The following ANK2 variants were observed in gnomAD, a reference collection of about 807,000 sequenced individuals.
ANK2 encodes ankyrin-2.
ANK2 carries 83 observed loss-of-function variants against 360.5 expected under a neutral mutation model. The ratio of observed to expected loss-of-function variants is 0.23; its 90% CI spans 0.19 to 0.28. ANK2 has a LOEUF of 0.28. Among genes scored for constraint, ANK2 ranks in the 10% least tolerant of loss-of-function variants. The pLI is 1.00. For missense variants in ANK2, 4,201 were observed against 4,795.7 expected (o/e 0.88, Z 3.66); for synonymous variants, 1,740 against 1,759.5 (o/e 0.99, Z 0.28).
the ANK2 span, among the ~76,000 whole-genome samples, chr4:112,793,734 C>G: frequency 1.1e-4 from 15 of 135,406 alleles, no homozygotes; most frequent in African/African-American, 3.9e-4. Flanking sequence ...GAGACAGGGT[C>G]TTACTCTGTC....
chr4:113,002,393 T>C (rs373628438), intron 2 of ANK2, among the ~76,000 whole-genome samples: 1 of 152,210 alleles, frequency 6.6e-6, no homozygotes, highest in East Asian at 1.9e-4. Flanking sequence ...TAAAAAATGA[T>C]GAGTTCATGT....
chr4:113,040,619 A>G (rs905113043), intron 2 of ANK2, among the ~76,000 whole-genome samples: 1 of 152,082 alleles, frequency 6.6e-6, no homozygotes, highest in African/African-American at 2.4e-5. Flanking sequence ...TGAGGGGAGT[A>G]GTTGTTTAGT....
At chr4:112,748,339 A>G in the ANK2 span, among the ~76,000 whole-genome samples, 1 of 152,280 alleles carries the variant, frequency 6.6e-6, no homozygotes, top group East Asian at 1.9e-4. Context: ...GTCCTCAAGC[A>G]GTGGTAGATG....
intron 1 of ANK2, among the ~76,000 whole-genome samples, chr4:113,088,618 A>T (rs1302466100): frequency 2.0e-5 from 3 of 152,090 alleles, no homozygotes; most frequent in Non-Finnish European, 4.4e-5. Flanking sequence ...AATGTTATTT[A>T]GAAAAGGACG....
chr4:112,966,324 C>T (rs1045652344), intron 2 of ANK2, among the ~76,000 whole-genome samples: 3 of 151,560 alleles, frequency 2.0e-5, no homozygotes, highest in African/African-American at 7.2e-5. Flanking sequence ...GAGCATAACT[C>T]TTTTAATATA....
chr4:112,930,517 A>T (rs2093091891), intron 2 of ANK2, among the ~76,000 whole-genome samples: 3 of 151,364 alleles, frequency 2.0e-5, no homozygotes, highest in Admixed American at 1.3e-4. Flanking sequence ...CAGGCAGGGG[A>T]GTTATAGTAT....
the ANK2 span, among the ~76,000 whole-genome samples, chr4:112,725,536 T>G: frequency 2.0e-5 from 3 of 151,602 alleles, no homozygotes; most frequent in Non-Finnish European, 4.4e-5. Flanking sequence ...GTTTTTGTAT[T>G]TTTAGTAGAA....
the ANK2 span, among the ~76,000 whole-genome samples, chr4:112,764,119 A>T: frequency 2.7e-5 from 4 of 150,066 alleles, no homozygotes; most frequent in South Asian, 4.2e-4. Context: ...ATTTTTTTGT[A>T]TTTTTAGTAG....
intron 9 of ANK2, 138 bp downstream of exon 9, chr4:113,242,347 C>T (rs1208132362): frequency 1.1e-5 from 9 of 796,564 alleles, no homozygotes; most frequent in Non-Finnish European, 1.9e-5. Context: ...ATTTAAATCT[C>T]ATACAACATT....
At chr4:113,184,650 C>T (rs1230288037) in intron 2 of ANK2, among the ~76,000 whole-genome samples, 1 of 152,064 alleles carries the variant, frequency 6.6e-6, no homozygotes, top group Non-Finnish European at 1.5e-5. Context: ...TTTGCAGTAG[C>T]TGAGATTTTG....
rs1179255287 is a variant in ANK2 at position 112,865,804 on chromosome 4, C to CAGCT, written c.-39-38650_-39-38647dup. On this transcript the variant is annotated intron_variant, in intron 1 of 30. Transcript: ENST00000503271. ...TGGATAAATTTCATACATTTCTGTG[C>CAGCT]AGCTTTATAAAGATCTATTTTTGGT... Among the ~76,000 whole-genome samples, 6 of 152,160 alleles carry CAGCT rather than the reference C, an allele frequency of 3.9e-5. No individual in the cohort carries two copies. The East Asian group carries it at 1.2e-3, about 29-fold the overall frequency.
intron 26 of ANK2, among the ~76,000 whole-genome samples, chr4:113,327,518 C>T (rs1170282004): frequency 6.6e-6 from 1 of 152,150 alleles, no homozygotes; most frequent in Non-Finnish European, 1.5e-5. Flanking sequence ...CACGTCTTGC[C>T]CTTTTCACTA....
intron 13 of ANK2, among the ~76,000 whole-genome samples, chr4:113,259,972 A>T (rs29335): frequency 0.46 from 70,171 of 151,876 alleles, 16,803 homozygotes; most frequent in Non-Finnish European, 0.54. Context: ...ATCTCCACCT[A>T]TTCTTATTTG....
chr4:113,103,726 G>A (rs1003077822), intron 1 of ANK2, among the ~76,000 whole-genome samples: 2 of 152,066 alleles, frequency 1.3e-5, no homozygotes, highest in African/African-American at 4.8e-5. Flanking sequence ...AGCTTCCATT[G>A]TCAGTGTTTT....
chr4:113,146,085 A>C (rs536289431), intron 1 of ANK2: 149 of 1,244,442 alleles, frequency 1.2e-4, no homozygotes, highest in Admixed American at 1.1e-3. Flanking sequence ...CAGACCTCTA[A>C]ACTTCCTGGA....
the ANK2 span, among the ~76,000 whole-genome samples, chr4:112,721,101 G>A: frequency 6.6e-6 from 1 of 152,194 alleles, no homozygotes; most frequent in Non-Finnish European, 1.5e-5. Flanking sequence ...TCTCAGGGTT[G>A]TGTACATGAA....
At chr4:112,914,514 C>T (rs1208740498) in intron 2 of ANK2, among the ~76,000 whole-genome samples, 1 of 151,966 alleles carries the variant, frequency 6.6e-6, no homozygotes, top group Non-Finnish European at 1.5e-5. Flanking sequence ...TCCCAGCTAC[C>T]CGGGAGGCTG....
At chr4:112,897,613 A>T (rs965957818) in intron 1 of ANK2, among the ~76,000 whole-genome samples, 6 of 151,440 alleles carry the variant, frequency 4.0e-5, no homozygotes, top group Non-Finnish European at 7.3e-5. Context: ...AAAAATATCC[A>T]TGGCACTGAT....
Position 113,341,910 on chromosome 4 carries a change from T to G in ANK2, c.4116T>G (p.Asp1372Glu). 1 of 1,609,484 alleles carries G rather than the reference T, an allele frequency of 6.2e-7. No individual in the cohort carries two copies. Among genetic ancestry groups the G allele is most frequent in the South Asian group, 1.1e-5 (1 of 91,002 alleles). The change falls in exon 33 of 46, where the codon GAT becomes GAG. Residue 1372 changes from aspartate (D) to glutamate (E), a missense_variant. This residue lies in a region of ANK2 where 1,268 missense variants were observed against 1,650.8 expected (regional missense o/e 0.77). Coordinates refer to ENST00000357077, the MANE Select transcript of ANK2 (RefSeq NM_001148.6). ...ENFAEVARSR[D>E]VEVLEGKPIY... Reference sequence around the variant, plus strand: ...TTGCTGAGGTGGCCAGAAGCAGGGATGTGGAGGTACTGTACCAAAAATAAT... The same window carrying G: ...TTGCTGAGGTGGCCAGAAGCAGGGAGGTGGAGGTACTGTACCAAAAATAAT...
Sources: allele counts gnomAD v4.1 joint callset (sites outside exome capture counted in the v4.1 genomes callset), GRCh38; gene constraint gnomAD v4.1.1; regional missense constraint gnomAD v4.1.1; transcripts MANE v1.5; gene names NCBI Gene and HGNC (gene_info 2026-07-23, HGNC 2026-07-21).